The following TNKS variants were observed in gnomAD, a reference collection of about 807,000 sequenced individuals.
TNKS encodes the protein poly [ADP-ribose] polymerase tankyrase-1.
A neutral mutation model predicts 135.8 loss-of-function variants in TNKS; 72 were observed. That is an observed-to-expected ratio of 0.53 (90% CI 0.44 to 0.64). TNKS has a LOEUF of 0.64. Ranked by LOEUF, TNKS falls within the 30% of genes least tolerant of loss-of-function variation. TNKS has a pLI of 0.00. For synonymous variants in TNKS, 849 were observed against 649.3 expected (o/e 1.31, Z -4.68); for missense variants, 1,769 against 1,674.0 (o/e 1.06, Z -0.99).
chr8:9,581,820 G>A (rs972283315), intron 2 of TNKS, among the ~76,000 whole-genome samples: 1 of 151,672 alleles, frequency 6.6e-6, no homozygotes, highest in East Asian at 1.9e-4. Context: ...AGTATTTCTC[G>A]CCTCCTCCTC....
At chr8:9,635,337 T>C (rs1349478909) in intron 3 of TNKS, among the ~76,000 whole-genome samples, 1 of 152,176 alleles carries the variant, frequency 6.6e-6, no homozygotes, top group African/African-American at 2.4e-5. Context: ...TTGTATGAAA[T>C]AGGAATTCTT....
At chr8:9,739,984 A>C (rs1353441718) in intron 17 of TNKS, among the ~76,000 whole-genome samples, 1 of 109,750 alleles carries the variant, frequency 9.1e-6, no homozygotes, top group East Asian at 2.8e-4. Flanking sequence ...GCAGCGCACC[A>C]GCATGGCACA....
intron 3 of TNKS, among the ~76,000 whole-genome samples, chr8:9,648,215 A>T (rs979980404): frequency 2.0e-5 from 3 of 152,208 alleles, no homozygotes; most frequent in Admixed American, 6.5e-5. Context: ...AGATTTATTT[A>T]AAAAAATTTT....
At chr8:9,773,281 G>T (rs1188291905) in intron 26 of TNKS, among the ~76,000 whole-genome samples, 1 of 151,798 alleles carries the variant, frequency 6.6e-6, no homozygotes, top group Non-Finnish European at 1.5e-5. Flanking sequence ...AGCAAAAGCA[G>T]AATTGTTAAA....
chr8:9,748,652 T>C, intron 18 of TNKS, among the ~76,000 whole-genome samples: 1 of 152,232 alleles, frequency 6.6e-6, no homozygotes, highest in Non-Finnish European at 1.5e-5. Flanking sequence ...TTCCGTGAAC[T>C]TTCTGAAAAC....
rs200230198 is a variant in TNKS at position 9,556,372 on chromosome 8, T to A, written c.433T>A (p.Ser145Thr). 1 of 1,614,098 alleles carries A rather than the reference T, an allele frequency of 6.2e-7. No homozygotes were observed. The highest frequency in any genetic ancestry group is 1.7e-5 in the Admixed American group (1 of 60,012). The change falls in exon 1 of 27, where the codon TCC becomes ACC. Residue 145 changes from serine (S) to threonine (T), a missense_variant. Ser to Thr is a moderately conservative substitution (Grantham distance 58). Transcript: ENST00000310430. Reference protein sequence around the residue: ...PTSSSSSSPSSPGSSLAESPE... With the variant: ...PTSSSSSSPSTPGSSLAESPE... ...TTCTTCCTCATCTTCCTCTCCATCC[T>A]CCCCTGGATCGAGCTTGGCGGAGAG...
At position 9,779,360 on chromosome 8, in the gene TNKS, T is replaced by C. The variant is rs1197391377; in HGVS notation, c.*2624T>C. 1 of 152,482 alleles carries C rather than the reference T, an allele frequency of 6.6e-6. No individual in the cohort carries two copies. Among genetic ancestry groups the C allele is most frequent in the African/African-American group, 2.4e-5 (1 of 41,450 alleles). The allele number at this position is 152,482 out of a possible 1,614,324, so 9.4% of individuals were successfully genotyped here. ...TTGTATATGTACTATATAGAAATACTAGCAAGTTAGGATCATCCAATATGG... is the reference window on the plus strand; with the variant it reads ...TTGTATATGTACTATATAGAAATACCAGCAAGTTAGGATCATCCAATATGG... On this transcript the variant is annotated 3_prime_UTR_variant, in exon 27 of 27. Transcript: ENST00000310430.
chr8:9,732,065 G>A (rs1364513147), intron 14 of TNKS, among the ~76,000 whole-genome samples: 2 of 152,192 alleles, frequency 1.3e-5, no homozygotes, highest in African/African-American at 4.8e-5. Context: ...TGGGATTACA[G>A]GCGTGAGCCA....
At chr8:9,758,652 C>G (rs190568280) in intron 20 of TNKS, among the ~76,000 whole-genome samples, 2 of 152,346 alleles carry the variant, frequency 1.3e-5, no homozygotes, top group East Asian at 3.9e-4. Context: ...TCCAACAGGT[C>G]TGCAGTCTCA....
intron 2 of TNKS, among the ~76,000 whole-genome samples, chr8:9,589,965 C>T (rs2129055461): frequency 6.6e-6 from 1 of 152,324 alleles, no homozygotes; most frequent in South Asian, 2.1e-4. Context: ...ATGCTCCATT[C>T]ATTGTCCCGT....
chr8:9,649,388 T>C (rs993028458), intron 3 of TNKS, among the ~76,000 whole-genome samples: 3 of 152,310 alleles, frequency 2.0e-5, no homozygotes, highest in Admixed American at 2.0e-4. Flanking sequence ...AAAGATCATA[T>C]CCAGGCTATT....
intron 5 of TNKS, among the ~76,000 whole-genome samples, chr8:9,697,026 A>G (rs6981831): frequency 0.74 from 111,920 of 152,070 alleles, 41,397 homozygotes; most frequent in Middle Eastern, 0.81. Flanking sequence ...AGCCAGAGGC[A>G]TCACACTACC....
At chr8:9,750,026 A>C (rs1054382012) in intron 18 of TNKS, among the ~76,000 whole-genome samples, 2 of 152,160 alleles carry the variant, frequency 1.3e-5, no homozygotes, top group African/African-American at 4.8e-5. Flanking sequence ...TCCACCCACA[A>C]ATCTTTTCAA....
At chr8:9,770,025 A>G (rs57864805) in intron 25 of TNKS, 81 bp from the exon 26 acceptor site, 2 of 1,310,268 alleles carry the variant, frequency 1.5e-6, no homozygotes, top group Non-Finnish European at 2.0e-6. Flanking sequence ...TTAAATTTTT[A>G]AAAAATTAAT....
At chr8:9,710,071 G>T in intron 10 of TNKS, 25 bp downstream of exon 10, 4 of 1,611,312 alleles carry the variant, frequency 2.5e-6, no homozygotes, top group Non-Finnish European at 3.4e-6. Context: ...AGAAGGAGTT[G>T]TTCAGTTCCT....
At chr8:9,610,292 A>G (rs1054810610) in intron 2 of TNKS, among the ~76,000 whole-genome samples, 3 of 137,280 alleles carry the variant, frequency 2.2e-5, no homozygotes, top group Admixed American at 1.4e-4. Flanking sequence ...TTTTTAAAAA[A>G]TCTATAATAT....
chr8:9,753,275 T>G (rs1346469382), intron 20 of TNKS, among the ~76,000 whole-genome samples: 3 of 152,236 alleles, frequency 2.0e-5, no homozygotes, highest in Non-Finnish European at 4.4e-5. Context: ...TCATTATTCA[T>G]GTGACTAGGC....
intron 2 of TNKS, among the ~76,000 whole-genome samples, chr8:9,583,512 CAG>C (rs1420074287): frequency 6.6e-6 from 1 of 151,652 alleles, no homozygotes; most frequent in Non-Finnish European, 1.5e-5. Context: ...TTTTTTGAGA[CAG>C]AGTCTTGCTC....
At chr8:9,672,028 G>A (rs1468872424) in intron 3 of TNKS, among the ~76,000 whole-genome samples, 2 of 152,134 alleles carry the variant, frequency 1.3e-5, no homozygotes, top group Non-Finnish European at 2.9e-5. Flanking sequence ...TAGGCACTTC[G>A]TAGCCATCTC....
Sources: gnomAD v4.1 joint callset for allele counts (sites outside exome capture counted in the v4.1 genomes callset) on GRCh38, gnomAD v4.1.1 for gene constraint, MANE v1.5 for transcripts, NCBI Gene and HGNC (gene_info 2026-07-23, HGNC 2026-07-21) for gene names.